The following SMCHD1 variants were observed in gnomAD, a reference collection of about 807,000 sequenced individuals.
SMCHD1 encodes structural maintenance of chromosomes flexible hinge domain-containing protein 1.
A neutral mutation model predicts 254.7 loss-of-function variants in SMCHD1; 78 were observed. That is an observed-to-expected ratio of 0.31 (90% CI 0.26 to 0.37). The LOEUF is 0.37. Among genes scored for constraint, SMCHD1 ranks in the 10% least tolerant of loss-of-function variants. The pLI is 1.00. For synonymous variants in SMCHD1, 766 were observed against 794.9 expected (o/e 0.96, Z 0.61); for missense variants, 1,840 against 2,408.1 (o/e 0.76, Z 4.94).
chr18:2,772,111 G>GT (rs549223413), intron 40 of SMCHD1, 139 bp from the exon 41 acceptor site: 14,305 of 542,662 alleles, frequency 0.026, no homozygotes, highest in South Asian at 0.031. Flanking sequence ...TTTTCTGATA[G>GT]TTTTTTTTTT....
At position 2,718,528 on chromosome 18, in the gene SMCHD1, C is replaced by A; in HGVS notation, c.2458+94C>A. 9.2e-7 allele frequency: 1 copy of A among 1,081,748 alleles called. No homozygotes were observed. Among genetic ancestry groups the A allele is most frequent in the Non-Finnish European group, 1.3e-6 (1 of 768,526 alleles). The allele number at this position is 1,081,748 out of a possible 1,614,324, so 67.0% of individuals were successfully genotyped here. ...GATAAGCCATTAAAAGATGTTTGAACAATTGGGTAACCATCTCGATTTTAT... is the reference window on the plus strand; with the variant it reads ...GATAAGCCATTAAAAGATGTTTGAAAAATTGGGTAACCATCTCGATTTTAT... On this transcript the variant is annotated intron_variant, in intron 19 of 47. Coordinates refer to ENST00000320876, the MANE Select transcript of SMCHD1 (RefSeq NM_015295.3). This position sits in a 1 kb window ranked among gnomAD's most constrained non-coding sequence, Gnocchi z 4.6.
chr18:2,738,390 C>A lies in SMCHD1; in HGVS notation c.3277-7C>A. The stretch of plus-strand genomic sequence containing the variant: ...TTATTATTGTTAAATATCTCTTTTT[C>A]TCCTAGGTTAATTGGACTCCTGAGA... On this transcript the variant is annotated splice_polypyrimidine_tract_variant and splice_region_variant and intron_variant, in intron 25 of 47. Coordinates refer to ENST00000320876, the MANE Select transcript of SMCHD1 (RefSeq NM_015295.3). The A allele has an allele frequency of 6.3e-7, 1 of 1,576,094 alleles. No individual in the cohort carries two copies. The highest frequency in any genetic ancestry group is 8.6e-7 in the Non-Finnish European group (1 of 1,161,936).
chr18:2,662,274 A>G (rs1457689647), intron 1 of SMCHD1, among the ~76,000 whole-genome samples: 1 of 151,992 alleles, frequency 6.6e-6, no homozygotes, highest in African/African-American at 2.4e-5. Flanking sequence ...AGATATGTTT[A>G]GGTGAACATA....
chr18:2,749,769 G>C (rs1227527033), intron 30 of SMCHD1, among the ~76,000 whole-genome samples: 2 of 152,158 alleles, frequency 1.3e-5, no homozygotes, highest in African/African-American at 4.8e-5. Flanking sequence ...CAGTGATATT[G>C]AAACAGTGAA....
chr18:2,709,522 C>A (rs2074620095), intron 17 of SMCHD1, among the ~76,000 whole-genome samples: 1 of 152,140 alleles, frequency 6.6e-6, no homozygotes, highest in African/African-American at 2.4e-5. Context: ...ATGTCACCCC[C>A]ACTTGTTATT....
At chr18:2,783,228 T>A (rs1422979755) in intron 44 of SMCHD1, among the ~76,000 whole-genome samples, 1 of 152,222 alleles carries the variant, frequency 6.6e-6, no homozygotes, top group Non-Finnish European at 1.5e-5. Flanking sequence ...TATACATCGT[T>A]CACATCTGTT....
chr18:2,801,339 A>G (rs1221536433), intron 47 of SMCHD1: 1 of 152,176 alleles, frequency 6.6e-6, no homozygotes, highest in Non-Finnish European at 1.5e-5. Flanking sequence ...ACACACACAC[A>G]AAGCTATCAT....
rs2073456934 is a variant in SMCHD1, at chr18:2,666,908, C to G, written c.301C>G (p.Gln101Glu). The change falls in exon 3 of 48, where the codon CAG (glutamine) becomes GAG (glutamate). Residue 101 changes from glutamine (Q) to glutamate (E), a missense_variant. Physicochemically the swap from Gln to Glu is conservative, Grantham distance 29 (BLOSUM62 2). Transcript: ENST00000320876. ...AGATGGAGTCACCTTATACCTGCTACAGTCGGTCAATCAGTTACTACTGAC... is the reference window on the plus strand; with the variant it reads ...AGATGGAGTCACCTTATACCTGCTAGAGTCGGTCAATCAGTTACTACTGAC... Reference protein sequence around the residue: ...VKDGVTLYLLQSVNQLLLTAT... With the variant: ...VKDGVTLYLLESVNQLLLTAT... 1.2e-6 allele frequency: 2 copies of G among 1,613,232 alleles called. No homozygotes were observed. The highest frequency in any genetic ancestry group is 1.1e-5 in the South Asian group (1 of 91,030).
chr18:2,750,335 C>G lies in SMCHD1; in HGVS notation c.4008-15C>G, dbSNP rs972582682. On this transcript the variant is annotated splice_polypyrimidine_tract_variant and intron_variant, in intron 31 of 47. Coordinates refer to ENST00000320876, the MANE Select transcript of SMCHD1 (RefSeq NM_015295.3). ...CTAATGTAATTTGAACCCCTCTCCTCTTTTGTTTTGTTAGGGGAGAGCATA... is the reference window on the plus strand; with the variant it reads ...CTAATGTAATTTGAACCCCTCTCCTGTTTTGTTTTGTTAGGGGAGAGCATA... 2 of 1,593,832 alleles carry G rather than the reference C, an allele frequency of 1.3e-6. No homozygotes were observed. The highest frequency in any genetic ancestry group is 2.7e-5 in the African/African-American group (2 of 73,858).
chr18:2,671,613 T>TG (rs1555626427), intron 3 of SMCHD1, among the ~76,000 whole-genome samples: 5 of 149,062 alleles, frequency 3.4e-5, no homozygotes, highest in Admixed American at 2.7e-4. Context: ...TTTTTTTTTT[T>TG]GAGACAGAGT....
intron 27 of SMCHD1, among the ~76,000 whole-genome samples, chr18:2,739,963 T>A (rs933185711): frequency 6.6e-6 from 1 of 151,866 alleles, no homozygotes; most frequent in African/African-American, 2.4e-5. Context: ...CTTTAAGTTC[T>A]GGGGTACATG....
At chr18:2,662,931 C>T (rs2073337250) in intron 1 of SMCHD1, among the ~76,000 whole-genome samples, 1 of 151,938 alleles carries the variant, frequency 6.6e-6, no homozygotes, top group South Asian at 2.1e-4. Flanking sequence ...GACTTTTTTT[C>T]AGTCATATCA....
chr18:2,663,263 GC>G (rs1333035613), intron 1 of SMCHD1, among the ~76,000 whole-genome samples: 2 of 146,536 alleles, frequency 1.4e-5, no homozygotes. Context: ...GCACCACCAT[GC>G]CCAGCTATTT....
intron 44 of SMCHD1, among the ~76,000 whole-genome samples, chr18:2,784,035 T>C (rs1240673206): frequency 6.6e-6 from 1 of 152,242 alleles, no homozygotes; most frequent in Admixed American, 6.5e-5. Flanking sequence ...CTTTCCAGTC[T>C]GTATTTTCTT....
Position 2,655,761 on chromosome 18 carries a change from C to G in SMCHD1, c.-315C>G, listed in dbSNP as rs1412524297. 8 of 227,356 alleles carry G rather than the reference C, an allele frequency of 3.5e-5. No individual in the cohort carries two copies. The highest frequency in any genetic ancestry group is 5.9e-5 in the Non-Finnish European group (7 of 117,712). 14.1% of individuals were successfully genotyped at this position (227,356 alleles called of 1,614,324 possible). On this transcript the variant is annotated 5_prime_UTR_variant, in exon 1 of 48. Coordinates refer to ENST00000320876, the MANE Select transcript of SMCHD1 (RefSeq NM_015295.3). Reference sequence around the variant, plus strand: ...CGGCGGCGCTGGTCGCGGGTCGCACCGTGAGGCTCGCGTGGGCGGCGATAG... The same window carrying G: ...CGGCGGCGCTGGTCGCGGGTCGCACGGTGAGGCTCGCGTGGGCGGCGATAG...
chr18:2,685,069 A>G (rs2143923341), intron 5 of SMCHD1, among the ~76,000 whole-genome samples: 1 of 149,348 alleles, frequency 6.7e-6, no homozygotes, highest in South Asian at 2.1e-4. Context: ...GTTTTCCAAC[A>G]GCACACTGTT....
In SMCHD1 at chr18:2,666,230, T is replaced by A. The variant is rs2143801645; in HGVS notation, c.260T>A (p.Phe87Tyr). Residue 87 changes from phenylalanine (F) to tyrosine (Y), a missense_variant and splice_region_variant, in exon 2 of 48, where the codon TTT becomes TAT. Phe to Tyr is a conservative substitution (Grantham distance 22). This residue lies in a region of SMCHD1 where 37 missense variants were observed against 54.2 expected (regional missense o/e 0.68). Transcript: ENST00000320876. Reference protein sequence around the residue: ...TSRKEITCDNFDETVKDGVTL... With the variant: ...TSRKEITCDNYDETVKDGVTL... ...AGGAAAGAAATTACCTGTGATAATT[T>A]TGGTAGGTAAACAGTGTTACTAAGT... 6.8e-7 allele frequency: 1 copy of A among 1,481,266 alleles called. No homozygotes were observed. Among genetic ancestry groups the A allele is most frequent in the East Asian group, 2.3e-5 (1 of 43,516 alleles). 91.8% of individuals were successfully genotyped at this position (1,481,266 alleles called of 1,614,324 possible).
In SMCHD1 at chr18:2,775,899, A is replaced by G; in HGVS notation, c.5341A>G (p.Lys1781Glu). ...QQVLPLDSIYKKTLPDWKRSL... is the reference protein window; with the variant it reads ...QQVLPLDSIYEKTLPDWKRSL... ...GGTGTTGCCCCTTGATTCTATTTAC[A>G]AGAAGACTCTTCCAGATTGGAAAAG... is the stretch of plus-strand genomic sequence containing the variant. The change falls in exon 42 of 48, where the codon AAG (lysine) becomes GAG (glutamate). Residue 1781 changes from lysine (K) to glutamate (E), a missense_variant. By Grantham distance (56) the Lys-to-Glu change is moderately conservative. Coordinates refer to ENST00000320876, the MANE Select transcript of SMCHD1 (RefSeq NM_015295.3). 1 of 1,600,210 alleles carries G rather than the reference A, an allele frequency of 6.2e-7. No individual in the cohort carries two copies. The highest frequency in any genetic ancestry group is 8.5e-7 in the Non-Finnish European group (1 of 1,175,520).
chr18:2,665,401 A>C lies in SMCHD1; in HGVS notation c.187-756A>C, dbSNP rs532215671. ...AGTGGTGTGATCTTGGCTCACTGCA[A>C]CCTCCGCCTCCCCAGTTCAAGTGAT... is the stretch of plus-strand genomic sequence containing the variant. On this transcript the variant is annotated intron_variant, in intron 1 of 47. Transcript: ENST00000320876. Among the ~76,000 whole-genome samples the C allele has an allele frequency of 7.3e-4, 110 of 151,132 alleles. 5 individuals are homozygous for C. The South Asian group carries it at 0.02, about 28-fold the overall frequency.
Sources: gnomAD v4.1 joint callset for allele counts (sites outside exome capture counted in the v4.1 genomes callset) on GRCh38, gnomAD v4.1.1 for gene constraint, gnomAD v4.1.1 regional missense constraint, Gnocchi (gnomAD v3.1) non-coding constraint, MANE v1.5 for transcripts, NCBI Gene and HGNC (gene_info 2026-07-23, HGNC 2026-07-21) for gene names.